Variants in ACTL8 observed in about 807,000 individuals in gnomAD.
ACTL8 encodes the protein actin-like protein 8.
ACTL8 carries 3 observed loss-of-function variants against 9.3 expected under a neutral mutation model. The observed-to-expected ratio is 0.32, with a 90% CI of 0.15 to 0.83. The LOEUF (loss-of-function observed/expected upper bound fraction) is 0.83, where lower values mean the gene tolerates loss of function less well. Ranked by LOEUF, ACTL8 falls within the 40% of genes least tolerant of loss-of-function variation. ACTL8 has a pLI of 0.57. For missense variants in ACTL8, 381 were observed against 492.2 expected, an observed-to-expected ratio of 0.77 and a Z score of 2.14; for synonymous variants, 224 against 205.9, an observed-to-expected ratio of 1.09 and a Z score of -0.75.
chr1:17,756,856 C>A (rs780258174), intron 1 of ACTL8, among the ~76,000 whole-genome samples: 1 of 152,206 alleles, frequency 6.6e-6, no homozygotes, highest in Non-Finnish European at 1.5e-5. Flanking sequence ...CAGAGTGATG[C>A]TGCACTTGAC....
chr1:17,799,030 G>A (rs920988746), intron 1 of ACTL8, among the ~76,000 whole-genome samples: 2 of 152,108 alleles, frequency 1.3e-5, no homozygotes, highest in East Asian at 1.9e-4. Flanking sequence ...CTCCCTAAGC[G>A]ATGCCCACTT....
intron 1 of ACTL8, among the ~76,000 whole-genome samples, chr1:17,762,058 A>G (rs1364162148): frequency 6.6e-6 from 1 of 151,176 alleles, no homozygotes; most frequent in Non-Finnish European, 1.5e-5. Flanking sequence ...CCTAACCTTC[A>G]CCTTACTCAA....
chr1:17,771,154 C>T (rs1283785219), intron 1 of ACTL8, among the ~76,000 whole-genome samples: 1 of 152,200 alleles, frequency 6.6e-6, no homozygotes, highest in Non-Finnish European at 1.5e-5. Flanking sequence ...GACGCTGCAA[C>T]TCAGCTGTTG....
rs2354844 is a variant in ACTL8, at chr1:17,783,352, G to T, written c.-25+27848G>T. Reference sequence around the variant, plus strand: ...AAAGAGGAGTTTTTTTTTTTGTTTTGTTTTTTTTTTTTAAAAAAACTCCAG... The same window carrying T: ...AAAGAGGAGTTTTTTTTTTTGTTTTTTTTTTTTTTTTTAAAAAAACTCCAG... On this transcript the variant is annotated intron_variant, in intron 1 of 2. Coordinates refer to ENST00000375406, the MANE Select transcript of ACTL8 (RefSeq NM_030812.3). 2.5e-3 allele frequency among the ~76,000 whole-genome samples: 278 copies of T among 110,642 alleles called. 2 individuals carry two copies. The East Asian group carries it at 0.039, about 15-fold the overall frequency. 72.6% of individuals were successfully genotyped at this position (110,642 alleles called of 152,430 possible).
intron 1 of ACTL8, among the ~76,000 whole-genome samples, chr1:17,783,657 A>G (rs556075178): frequency 1.3e-5 from 2 of 152,258 alleles, no homozygotes; most frequent in South Asian, 2.1e-4. Context: ...GGGATCTGGA[A>G]CTGCACGGTC....
intron 1 of ACTL8, among the ~76,000 whole-genome samples, chr1:17,794,297 G>A (rs2066262191): frequency 6.6e-6 from 1 of 151,880 alleles, no homozygotes. Context: ...CTTGGACATA[G>A]TTACTTAACT....
intron 1 of ACTL8, among the ~76,000 whole-genome samples, chr1:17,782,236 A>AC (rs2066161122): frequency 6.6e-6 from 1 of 152,178 alleles, no homozygotes; most frequent in Non-Finnish European, 1.5e-5. Flanking sequence ...AGGGAACAGC[A>AC]CTAAATGCTG....
At chr1:17,786,909 A>C (rs890939732) in intron 1 of ACTL8, among the ~76,000 whole-genome samples, 2 of 151,678 alleles carry the variant, frequency 1.3e-5, no homozygotes, top group African/African-American at 4.9e-5. Flanking sequence ...GCTTTCTTGC[A>C]CAGGCTGGTC....
chr1:17,824,861 G>A (rs1347679356), intron 2 of ACTL8, among the ~76,000 whole-genome samples: 1 of 152,104 alleles, frequency 6.6e-6, no homozygotes, highest in Non-Finnish European at 1.5e-5. Context: ...TTGAAAAAGA[G>A]GACCTTGGCT....
chr1:17,803,567 G>T (rs942172567), intron 1 of ACTL8, among the ~76,000 whole-genome samples: 1 of 152,350 alleles, frequency 6.6e-6, no homozygotes, highest in East Asian at 1.9e-4. Flanking sequence ...CTGACCTCAG[G>T]TGATCCATGT....
At chr1:17,815,827 C>G (rs768835365) in intron 1 of ACTL8, among the ~76,000 whole-genome samples, 62 of 152,256 alleles carry the variant, frequency 4.1e-4, no homozygotes, top group Non-Finnish European at 8.2e-4. Context: ...CCCCACAGGT[C>G]TCTGAAGCTT....
chr1:17,805,371 CTTTTTCTTTTTT>C (rs1256202746), intron 1 of ACTL8, among the ~76,000 whole-genome samples: 2,865 of 120,750 alleles, frequency 0.024, 179 homozygotes, highest in African/African-American at 0.083. Flanking sequence ...TTTTCTTTTT[CTTTTTCTTTTTT>C]TTTTTTTTTT....
chr1:17,768,296 A>G (rs1048913582), intron 1 of ACTL8, among the ~76,000 whole-genome samples: 17 of 83,802 alleles, frequency 2.0e-4, no homozygotes, highest in Admixed American at 6.3e-4. Context: ...CCATGTACCC[A>G]GAGAGAGGGG....
chr1:17,763,390 A>C (rs1201010973), intron 1 of ACTL8, among the ~76,000 whole-genome samples: 1 of 152,034 alleles, frequency 6.6e-6, no homozygotes, highest in African/African-American at 2.4e-5. Flanking sequence ...GTCTTTAGAA[A>C]GCCTCCCCGG....
intron 2 of ACTL8, among the ~76,000 whole-genome samples, chr1:17,824,712 T>C (rs547048531): frequency 1.3e-5 from 2 of 152,340 alleles, no homozygotes; most frequent in South Asian, 4.1e-4. Flanking sequence ...CCTGTAGTTT[T>C]ATTTGCTGAA....
chr1:17,791,455 G>T (rs556507297), intron 1 of ACTL8, among the ~76,000 whole-genome samples: 6 of 152,242 alleles, frequency 3.9e-5, no homozygotes, highest in Non-Finnish European at 5.9e-5. Context: ...TCCGGGATTT[G>T]AACACAGGTC....
chr1:17,791,180 C>A (rs1289859116), intron 1 of ACTL8, among the ~76,000 whole-genome samples: 1 of 152,146 alleles, frequency 6.6e-6, no homozygotes, highest in Admixed American at 6.5e-5. Context: ...TGCAGCGGCA[C>A]CCAGGGATCT....
chr1:17,807,330 G>T (rs1006988886), intron 1 of ACTL8, among the ~76,000 whole-genome samples: 1 of 152,174 alleles, frequency 6.6e-6, no homozygotes, highest in Non-Finnish European at 1.5e-5. Context: ...ACGGCTGACA[G>T]GTTGGAGGCA....
chr1:17,817,472 C>A (rs1450425381), intron 1 of ACTL8, among the ~76,000 whole-genome samples: 1 of 152,102 alleles, frequency 6.6e-6, no homozygotes, highest in African/African-American at 2.4e-5. Flanking sequence ...CTCCTAATTT[C>A]TCATCCCATT....
Sources: allele counts gnomAD v4.1 joint callset (sites outside exome capture counted in the v4.1 genomes callset), GRCh38; gene constraint gnomAD v4.1.1; transcripts MANE v1.5; gene names NCBI Gene and HGNC (gene_info 2026-07-23, HGNC 2026-07-21).